TAF1B: variants seen among roughly 807,000 people sequenced by gnomAD.
TAF1B encodes the protein TATA box-binding protein-associated factor RNA polymerase I subunit B.
Under a neutral mutation model 83.9 loss-of-function variants are expected in TAF1B, and 61 were observed. The ratio of observed to expected loss-of-function variants is 0.73; its 90% CI spans 0.59 to 0.90. The LOEUF is 0.90. Among genes scored for constraint, TAF1B ranks in the 40% least tolerant of loss-of-function variants. The probability of loss-of-function intolerance (pLI) is 0.00; values close to 1 mark genes in which losing one functional copy is unlikely to be tolerated. For missense variants in TAF1B, 625 were observed against 677.0 expected (o/e 0.92, Z 0.85); for synonymous variants, 221 against 224.6 (o/e 0.98, Z 0.14).
rs142380109 is a variant in TAF1B, at chr2:9,892,688, A to C, written c.807+9883A>C. Among the ~76,000 whole-genome samples the C allele has an allele frequency of 5.3e-5, 8 of 152,268 alleles. No homozygotes were observed. The East Asian group carries it at 1.5e-3, about 29-fold the overall frequency. On this transcript the variant is annotated intron_variant, in intron 8 of 14. Coordinates refer to ENST00000263663, the MANE Select transcript of TAF1B (RefSeq NM_005680.3). ...TTCTTACATTCATCCATCGATGGAC[A>C]CTTAGGTTGAGTCCATATCTTGGCT...
rs540832622 is a variant in TAF1B, at chr2:9,871,655, G to A, written c.553+3226G>A. Among the ~76,000 whole-genome samples the A allele has an allele frequency of 8.5e-5, 13 of 152,250 alleles. No homozygotes were observed. The South Asian group carries it at 1.5e-3, about 17-fold the overall frequency. On this transcript the variant is annotated intron_variant, in intron 6 of 14. Transcript: ENST00000263663. ...AAAGTTGATAAAAGGCTTTGTTTCC[G>A]TGGTTAGTCTTGTCAGCTCTGCTCT... is the stretch of plus-strand genomic sequence containing the variant.
rs1275996922 is a variant in TAF1B at position 9,934,397 on chromosome 2, ATGCTT to A, written c.*416_*420del. 6.4e-6 allele frequency: 1 copy of A among 155,648 alleles called. No individual in the cohort carries two copies. 9.6% of individuals were successfully genotyped at this position (155,648 alleles called of 1,614,324 possible). On this transcript the variant is annotated 3_prime_UTR_variant, in exon 15 of 15. Coordinates refer to ENST00000263663, the MANE Select transcript of TAF1B (RefSeq NM_005680.3). Reference sequence around the variant, plus strand: ...AAGTATTAGTAGAAAACAAATATGAATGCTTTGATGATCTTGGAATGGCAAAGTCA... The same window carrying A: ...AAGTATTAGTAGAAAACAAATATGAATGATGATCTTGGAATGGCAAAGTCA...
At chr2:9,922,911 C>A (rs1203098569) in intron 14 of TAF1B, among the ~76,000 whole-genome samples, 1 of 152,088 alleles carries the variant, frequency 6.6e-6, no homozygotes, top group Admixed American at 6.5e-5. Context: ...ATAAGTATGA[C>A]CATTATTATT....
At chr2:9,877,280 G>A (rs929416195) in intron 7 of TAF1B, among the ~76,000 whole-genome samples, 2 of 152,134 alleles carry the variant, frequency 1.3e-5, no homozygotes, top group Admixed American at 6.5e-5. Flanking sequence ...CTACTTAGAT[G>A]TCTTTATGGT....
At position 9,854,320 on chromosome 2, in the gene TAF1B, C is replaced by T. The variant is rs199771174; in HGVS notation, c.304-6C>T. On this transcript the variant is annotated splice_region_variant and splice_polypyrimidine_tract_variant and intron_variant, in intron 4 of 14. Transcript: ENST00000263663. ...TCACCCACCACTCATTTCCCTTCCA[C>T]CTTAGAACGATGTTTTACATAATTT... 1.1e-5 allele frequency: 17 copies of T among 1,612,294 alleles called. No homozygotes were observed. Among genetic ancestry groups the T allele is most frequent in the Non-Finnish European group, 1.4e-5 (16 of 1,178,558 alleles).
chr2:9,875,367 A>G (rs1349745329), intron 6 of TAF1B, among the ~76,000 whole-genome samples: 1 of 152,142 alleles, frequency 6.6e-6, no homozygotes, highest in African/African-American at 2.4e-5. Flanking sequence ...TTATTGCCAA[A>G]TTGCTCTTTG....
At chr2:9,861,718 C>A (rs1663768521) in intron 5 of TAF1B, among the ~76,000 whole-genome samples, 1 of 152,236 alleles carries the variant, frequency 6.6e-6, no homozygotes, top group Non-Finnish European at 1.5e-5. Context: ...TCTGACACCT[C>A]ACACGGCCAG....
At chr2:9,865,082 C>G (rs2125144196) in intron 5 of TAF1B, among the ~76,000 whole-genome samples, 1 of 152,264 alleles carries the variant, frequency 6.6e-6, no homozygotes, top group Admixed American at 6.5e-5. Context: ...GTTGGAAGTT[C>G]TGGCCAGGGC....
chr2:9,903,327 C>T (rs998648100), intron 8 of TAF1B, among the ~76,000 whole-genome samples: 8 of 152,100 alleles, frequency 5.3e-5, no homozygotes, highest in Non-Finnish European at 1.0e-4. Context: ...CCTCATGATC[C>T]GCCCGGCTCG....
chr2:9,857,732 CAGAG>C (rs551204240), intron 5 of TAF1B, among the ~76,000 whole-genome samples: 4 of 152,078 alleles, frequency 2.6e-5, no homozygotes, highest in Non-Finnish European at 5.9e-5. Flanking sequence ...GCAGGAGAGA[CAGAG>C]AGAGTGCGTG....
intron 5 of TAF1B, among the ~76,000 whole-genome samples, chr2:9,867,817 G>A (rs559542842): frequency 1.3e-5 from 2 of 152,268 alleles, no homozygotes; most frequent in Admixed American, 1.3e-4. Context: ...CTGAAGAGTG[G>A]GTTGGAAAGA....
At chr2:9,894,332 A>G (rs1664957096) in intron 8 of TAF1B, among the ~76,000 whole-genome samples, 1 of 152,198 alleles carries the variant, frequency 6.6e-6, no homozygotes, top group Non-Finnish European at 1.5e-5. Flanking sequence ...TATATTTATT[A>G]TACAATATAT....
intron 8 of TAF1B, among the ~76,000 whole-genome samples, chr2:9,896,124 C>T (rs1040350011): frequency 6.6e-6 from 1 of 152,072 alleles, no homozygotes; most frequent in Non-Finnish European, 1.5e-5. Flanking sequence ...CTGTATCACT[C>T]GAGAAGCCCT....
At chr2:9,926,995 A>G (rs1182931390) in intron 14 of TAF1B, among the ~76,000 whole-genome samples, 4 of 147,204 alleles carry the variant, frequency 2.7e-5, no homozygotes, top group African/African-American at 1.0e-4. Context: ...TACATTAGGT[A>G]TTTCTCCTAA....
rs1346285876 is a variant in TAF1B at position 9,868,366 on chromosome 2, G to A, written c.490G>A (p.Ala164Thr). ...VSCPPFLESG[A>T]ESQSDIHTRK... ...CTGTCCTCCTTTTCTTGAAAGTGGA[G>A]CGGAGTCTCAGTCTGACATCCACAC... The change falls in exon 6 of 15, where the codon GCG becomes ACG. Residue 164 changes from alanine (A) to threonine (T), a missense_variant. Ala to Thr is a moderately conservative substitution (Grantham distance 58). Transcript: ENST00000263663. The A allele has an allele frequency of 1.9e-6, 3 of 1,614,046 alleles. No homozygotes were observed. Among genetic ancestry groups the A allele is most frequent in the African/African-American group, 1.3e-5 (1 of 74,908 alleles).
At chr2:9,907,466 TA>T (rs1665381105) in intron 9 of TAF1B, among the ~76,000 whole-genome samples, 1 of 152,124 alleles carries the variant, frequency 6.6e-6, no homozygotes, top group African/African-American at 2.4e-5. Flanking sequence ...AAAGCGGTTT[TA>T]AACATGCTGA....
At chr2:9,883,019 T>TA (rs1664561185) in intron 8 of TAF1B, among the ~76,000 whole-genome samples, 1 of 152,212 alleles carries the variant, frequency 6.6e-6, no homozygotes, top group South Asian at 2.1e-4. Flanking sequence ...AATATAGCTG[T>TA]AGTGTGATGT....
chr2:9,868,314 T>C lies in TAF1B; in HGVS notation c.438T>C (p.Ser146=), dbSNP rs115645168. The change falls in exon 6 of 15, where the codon AGT becomes AGC. Residue 146 remains serine, a synonymous_variant. Coordinates refer to ENST00000263663, the MANE Select transcript of TAF1B (RefSeq NM_005680.3). ...EDNLSHSDWA[S]EPELLSDVSC... ...ATCTAAGTCATTCAGACTGGGCTAG[T>C]GAGCCTGAGCTGCTAAGTGATGTCA... The C allele has an allele frequency of 2.7e-3, 4,340 of 1,614,214 alleles. 98 individuals are homozygous for C. The African/African-American group carries it at 0.05, about 19-fold the overall frequency.
intron 8 of TAF1B, among the ~76,000 whole-genome samples, chr2:9,894,027 G>A (rs1355148605): frequency 2.0e-5 from 3 of 152,160 alleles, no homozygotes; most frequent in Non-Finnish European, 1.5e-5. Flanking sequence ...AAAGAGAGGA[G>A]TAGAAGACAG....
Sources: allele counts gnomAD v4.1 joint callset (sites outside exome capture counted in the v4.1 genomes callset), GRCh38; gene constraint gnomAD v4.1.1; transcripts MANE v1.5; gene names NCBI Gene and HGNC (gene_info 2026-07-23, HGNC 2026-07-21).